Variants in LMOD1 observed in about 807,000 individuals in gnomAD.
LMOD1 encodes leiomodin 1.
LMOD1 carries 8 observed loss-of-function variants against 36.5 expected under a neutral mutation model. The ratio of observed to expected loss-of-function variants is 0.22; its 90% CI spans 0.13 to 0.40. LMOD1 has a LOEUF of 0.40. LMOD1 is among the 10% of genes least tolerant of loss of function. The pLI is 1.00. For missense variants in LMOD1, 630 were observed against 751.1 expected (o/e 0.84, Z 1.88); for synonymous variants, 284 against 288.7 (o/e 0.98, Z 0.17).
intron 1 of LMOD1, among the ~76,000 whole-genome samples, chr1:201,932,530 T>C (rs1315519041): frequency 6.6e-6 from 1 of 151,748 alleles, no homozygotes; most frequent in Non-Finnish European, 1.5e-5. Context: ...GGCTGGTGGA[T>C]CGCTTGAGCC....
Position 201,900,362 on chromosome 1 carries a change from T to C in LMOD1, c.651A>G (p.Lys217=), listed in dbSNP as rs1232606851. ...KREEMKEVAK[K]EDDEKVKGER... ...CCCCTTTTACCTTCTCATCATCCTC[T>C]TTCTTGGCCACCTCCTTCATCTCCT... is the stretch of plus-strand genomic sequence containing the variant. The change falls in exon 2 of 3, where the codon AAA becomes AAG. Residue 217 remains lysine, a synonymous_variant. Coordinates refer to ENST00000367288, the MANE Select transcript of LMOD1 (RefSeq NM_012134.3). 1.9e-6 allele frequency: 3 copies of C among 1,566,658 alleles called. No individual in the cohort carries two copies. The highest frequency in any genetic ancestry group is 2.7e-5 in the African/African-American group (2 of 73,602).
At chr1:201,931,911 AAACT>A (rs1247510608) in intron 1 of LMOD1, among the ~76,000 whole-genome samples, 2 of 151,812 alleles carry the variant, frequency 1.3e-5, no homozygotes, top group East Asian at 1.9e-4. Flanking sequence ...AAAAAAAAAC[AAACT>A]AATTTTTAGA....
In LMOD1 at chr1:201,900,118, G is replaced by A. The variant is rs1681270827; in HGVS notation, c.895C>T (p.Pro299Ser). Reference protein sequence around the residue: ...KTPEKQTPSGPTKPSEGPAKV... With the variant: ...KTPEKQTPSGSTKPSEGPAKV... ...GCCGGTCCTTCAGAGGGCTTGGTGGGGCCACTGGGCGTCTGTTTCTCGGGT... is the reference window on the plus strand; with the variant it reads ...GCCGGTCCTTCAGAGGGCTTGGTGGAGCCACTGGGCGTCTGTTTCTCGGGT... Residue 299 changes from proline (P) to serine (S), a missense_variant, in exon 2 of 3, where the codon CCC becomes TCC. Transcript: ENST00000367288. 1 of 1,613,822 alleles carries A rather than the reference G, an allele frequency of 6.2e-7. No homozygotes were observed. Among genetic ancestry groups the A allele is most frequent in the Non-Finnish European group, 8.5e-7 (1 of 1,179,852 alleles).
At chr1:201,902,241 T>C (rs1681343886) in intron 1 of LMOD1, among the ~76,000 whole-genome samples, 2 of 152,080 alleles carry the variant, frequency 1.3e-5, no homozygotes, top group South Asian at 2.1e-4. Flanking sequence ...GTCCTTATTT[T>C]TAGTAAAAAC....
intron 1 of LMOD1, among the ~76,000 whole-genome samples, chr1:201,913,361 T>C (rs1681545308): frequency 6.6e-6 from 1 of 152,172 alleles, no homozygotes; most frequent in Non-Finnish European, 1.5e-5. Flanking sequence ...ATCCCGGCAC[T>C]TTGGGAGGCC....
chr1:201,903,920 T>C (rs1681369920), intron 1 of LMOD1, among the ~76,000 whole-genome samples: 1 of 152,228 alleles, frequency 6.6e-6, no homozygotes, highest in Non-Finnish European at 1.5e-5. Flanking sequence ...ATGAGTTAAC[T>C]GACTTCACCT....
intron 1 of LMOD1, among the ~76,000 whole-genome samples, chr1:201,910,903 C>T (rs1681487039): frequency 1.3e-5 from 2 of 151,690 alleles, no homozygotes; most frequent in Admixed American, 1.3e-4. Flanking sequence ...TACAGGTGTT[C>T]GCCACCTTGC....
chr1:201,937,162 C>T (rs1682032564), intron 1 of LMOD1, among the ~76,000 whole-genome samples: 1 of 152,056 alleles, frequency 6.6e-6, no homozygotes, highest in East Asian at 1.9e-4. Context: ...TAAAATGTAA[C>T]CTTGGCCAGG....
At chr1:201,907,473 A>C (rs565737212) in intron 1 of LMOD1, among the ~76,000 whole-genome samples, 1 of 152,288 alleles carries the variant, frequency 6.6e-6, no homozygotes, top group African/African-American at 2.4e-5. Context: ...CCCTTTGCTT[A>C]GTATCTTGGT....
chr1:201,898,445 C>A, intron 2 of LMOD1, 47 bp from the exon 3 acceptor site: 1 of 1,556,744 alleles, frequency 6.4e-7, no homozygotes, highest in South Asian at 1.2e-5. Context: ...GCTCAGCCAC[C>A]TCACCTCCCT....
intron 1 of LMOD1, among the ~76,000 whole-genome samples, chr1:201,901,580 A>G (rs1358201165): frequency 5.5e-5 from 1 of 18,204 alleles, no homozygotes; most frequent in Non-Finnish European, 1.2e-4. Context: ...ATATATATAT[A>G]TATACATATA....
intron 1 of LMOD1, among the ~76,000 whole-genome samples, 190 bp downstream of exon 1, chr1:201,945,890 G>A (rs912423063): frequency 6.6e-6 from 1 of 152,184 alleles, no homozygotes; most frequent in Admixed American, 6.5e-5. Context: ...TCCGACTTCT[G>A]CTTATAAAAC....
In LMOD1 at chr1:201,936,389, G is replaced by C. The variant is rs993288790; in HGVS notation, c.261+9691C>G. ...ACACTCCAATGACTTAGAATAAAAAGTCATGGCACTTAGAATAAAAAGTCA... is the reference window on the plus strand; with the variant it reads ...ACACTCCAATGACTTAGAATAAAAACTCATGGCACTTAGAATAAAAAGTCA... On this transcript the variant is annotated intron_variant, in intron 1 of 2. Transcript: ENST00000367288. Among the ~76,000 whole-genome samples, 347 of 152,238 alleles carry C rather than the reference G, an allele frequency of 2.3e-3. 1 individual carries two copies. The highest frequency in any genetic ancestry group is 8.1e-3 in the African/African-American group (336 of 41,550).
At chr1:201,917,254 G>A (rs952258012) in intron 1 of LMOD1, among the ~76,000 whole-genome samples, 1 of 152,154 alleles carries the variant, frequency 6.6e-6, no homozygotes, top group Non-Finnish European at 1.5e-5. Context: ...GACCTCAAAA[G>A]CCTGCCAAGA....
rs779347899 is a variant in LMOD1, at chr1:201,897,714, G to C, written c.*658C>G. On this transcript the variant is annotated 3_prime_UTR_variant, in exon 3 of 3. Transcript: ENST00000367288. ...CAGCTATTCATACAGCAGCAGGTGG[G>C]TGTGAGGAAAATGTCTGCTTTGGCA... The C allele has an allele frequency of 1.3e-5, 2 of 152,796 alleles. No individual in the cohort carries two copies. The highest frequency in any genetic ancestry group is 4.8e-5 in the African/African-American group (2 of 41,458). The allele number at this position is 152,796 out of a possible 1,614,324, so 9.5% of individuals were successfully genotyped here. A position where few individuals can be genotyped will look rare whatever the true frequency, so the allele number is the denominator to read the frequency against.
chr1:201,932,923 G>A (rs1012048694), intron 1 of LMOD1, among the ~76,000 whole-genome samples: 4 of 152,100 alleles, frequency 2.6e-5, no homozygotes, highest in African/African-American at 4.8e-5. Context: ...CATTCTCTAC[G>A]ACGCAGAAAT....
rs370300562 is a variant in LMOD1, at chr1:201,899,503, C to T, written c.1510G>A (p.Val504Met). ...GAAGGTTTTGGGGAGCCCTTAGCCACGGCCCCGGCCTTGGGTACCTCCAGC... is the reference window on the plus strand; with the variant it reads ...GAAGGTTTTGGGGAGCCCTTAGCCATGGCCCCGGCCTTGGGTACCTCCAGC... ...DLLEVPKAGA[V>M]AKGSPKPSPQ... The change falls in exon 2 of 3, where the codon GTG (valine) becomes ATG (methionine). Residue 504 changes from valine to methionine, a missense_variant. Around this residue, in one of 3 missense-constraint regions of LMOD1, gnomAD observed 144 missense variants for 169.8 expected, o/e 0.85. Transcript: ENST00000367288. This position sits in a 1 kb window ranked among gnomAD's most constrained non-coding sequence, Gnocchi z 6.3. The T allele has an allele frequency of 1.9e-5, 30 of 1,613,872 alleles. No homozygotes were observed. The highest frequency in any genetic ancestry group is 2.2e-5 in the Non-Finnish European group (26 of 1,179,902).
At chr1:201,926,149 C>T (rs936786110) in intron 1 of LMOD1, among the ~76,000 whole-genome samples, 1 of 152,170 alleles carries the variant, frequency 6.6e-6, no homozygotes, top group Non-Finnish European at 1.5e-5. Flanking sequence ...TGGGGCTTTG[C>T]TCTGCTTGGC....
At chr1:201,927,181 G>A (rs1028450607) in intron 1 of LMOD1, among the ~76,000 whole-genome samples, 26 of 152,128 alleles carry the variant, frequency 1.7e-4, no homozygotes, top group African/African-American at 5.6e-4. Context: ...ACAGAGACTG[G>A]AAGTAAAACC....
Sources: gnomAD v4.1 joint callset for allele counts (sites outside exome capture counted in the v4.1 genomes callset) on GRCh38, gnomAD v4.1.1 for gene constraint, gnomAD v4.1.1 regional missense constraint, Gnocchi (gnomAD v3.1) non-coding constraint, MANE v1.5 for transcripts, NCBI Gene and HGNC (gene_info 2026-07-23, HGNC 2026-07-21) for gene names.